The following CRACDL variants were observed in gnomAD, a reference collection of about 807,000 sequenced individuals.
The protein encoded by CRACDL is CRACD like.
CRACDL carries 26 observed loss-of-function variants against 70.6 expected under a neutral mutation model. The observed-to-expected ratio is 0.37, with a 90% CI of 0.27 to 0.51. CRACDL has a LOEUF of 0.51. Among genes scored for constraint, CRACDL ranks in the 20% least tolerant of loss-of-function variants. CRACDL has a pLI of 0.94. For synonymous variants in CRACDL, 618 were observed against 615.2 expected (o/e 1.00, Z -0.07); for missense variants, 1,283 against 1,376.9 (o/e 0.93, Z 1.08).
intron 3 of CRACDL, among the ~76,000 whole-genome samples, chr2:98,837,422 A>C (rs1705843012): frequency 6.6e-6 from 1 of 151,964 alleles, no homozygotes; most frequent in Non-Finnish European, 1.5e-5. Context: ...ATGTTCTCTG[A>C]AGAGTTCTAT....
intron 7 of CRACDL, among the ~76,000 whole-genome samples, chr2:98,818,531 A>C (rs1704886772): frequency 6.6e-6 from 1 of 152,214 alleles, no homozygotes; most frequent in Admixed American, 6.5e-5. Context: ...GGGAGGTGGC[A>C]GACTATCTGG....
In CRACDL at chr2:98,834,871, C is replaced by T. The variant is rs998831854; in HGVS notation, c.240-1874G>A. ...AAGATAGAATACATTCTAGGAACAA[C>T]AACAAGAAAACCAAAGATATCAAAT... On this transcript the variant is annotated intron_variant, in intron 3 of 9. Coordinates refer to ENST00000397899, the MANE Select transcript of CRACDL (RefSeq NM_207362.3). Among the ~76,000 whole-genome samples, 88 of 151,942 alleles carry T rather than the reference C, an allele frequency of 5.8e-4. 2 individuals are homozygous for T. Among genetic ancestry groups the T allele is most frequent in the Non-Finnish European group, 1.8e-4 (12 of 67,972 alleles).
intron 7 of CRACDL, among the ~76,000 whole-genome samples, chr2:98,797,888 C>T (rs1278008095): frequency 7.9e-5 from 12 of 152,054 alleles, no homozygotes; most frequent in Non-Finnish European, 2.9e-5. Context: ...ATGTACTGGT[C>T]CAAATGCTGA....
intron 7 of CRACDL, among the ~76,000 whole-genome samples, chr2:98,815,206 A>G (rs1704732258): frequency 6.6e-6 from 1 of 152,130 alleles, no homozygotes; most frequent in South Asian, 2.1e-4. Context: ...TTTCCTCGAG[A>G]ATTTTTTAGG....
intron 1 of CRACDL, among the ~76,000 whole-genome samples, chr2:98,907,992 G>A (rs1708455865): frequency 6.6e-6 from 1 of 152,188 alleles, no homozygotes; most frequent in Non-Finnish European, 1.5e-5. Context: ...AAGGCATCAG[G>A]AGTAAAACGT....
chr2:98,926,089 T>A (rs1369208444), intron 1 of CRACDL, among the ~76,000 whole-genome samples: 1 of 152,298 alleles, frequency 6.6e-6, no homozygotes, highest in East Asian at 1.9e-4. Flanking sequence ...AAATAATTAT[T>A]ACAATTTACT....
Position 98,821,993 on chromosome 2 carries a change from C to A in CRACDL, c.2280G>T (p.Pro760=). 6.5e-7 allele frequency: 1 copy of A among 1,528,596 alleles called. No homozygotes were observed. The highest frequency in any genetic ancestry group is 8.8e-7 in the Non-Finnish European group (1 of 1,138,174). The allele number at this position is 1,528,596 out of a possible 1,614,324, so 94.7% of individuals were successfully genotyped here. A position where few individuals can be genotyped will look rare whatever the true frequency, so the allele number is the denominator to read the frequency against. Residue 760 remains proline (P), a synonymous_variant, in exon 7 of 10, where the codon CCG becomes CCT. Transcript: ENST00000397899. ...ARPPEPLSSK[P]PLPRKPLLQS... ...GCAGAAGCGGCTTCCGGGGCAGGGGCGGCTTGGAGCTGAGCGGCTCGGGGG... is the reference window on the plus strand; with the variant it reads ...GCAGAAGCGGCTTCCGGGGCAGGGGAGGCTTGGAGCTGAGCGGCTCGGGGG...
At chr2:98,895,163 C>T (rs902619403) in intron 1 of CRACDL, among the ~76,000 whole-genome samples, 11 of 152,130 alleles carry the variant, frequency 7.2e-5, no homozygotes, top group African/African-American at 2.4e-4. Flanking sequence ...CTCATAGATG[C>T]CTCTGTCCAT....
At chr2:98,904,765 A>C (rs1708362644) in intron 1 of CRACDL, among the ~76,000 whole-genome samples, 1 of 152,208 alleles carries the variant, frequency 6.6e-6, no homozygotes, top group Admixed American at 6.5e-5. Flanking sequence ...TCCTTTTTAA[A>C]ACAATCATGG....
intron 1 of CRACDL, among the ~76,000 whole-genome samples, chr2:98,915,680 G>A (rs1430862049): frequency 6.6e-6 from 1 of 152,122 alleles, no homozygotes; most frequent in East Asian, 1.9e-4. Flanking sequence ...TGGGGGTGGG[G>A]GAAATAGCTG....
chr2:98,925,949 G>A (rs147405066), intron 1 of CRACDL, among the ~76,000 whole-genome samples: 5 of 151,448 alleles, frequency 3.3e-5, no homozygotes, highest in African/African-American at 9.7e-5. Flanking sequence ...AGGAGGGAGA[G>A]GTTATGCATT....
rs145571048 is a variant in CRACDL, at chr2:98,874,374, T to C, written c.-10-27564A>G. On this transcript the variant is annotated intron_variant, in intron 1 of 9. Transcript: ENST00000397899. ...CCCCCTGATGGTTTCTCACAGTTCCTTCCAGGTGGACATGGCTCTGTGGGA... is the reference window on the plus strand; with the variant it reads ...CCCCCTGATGGTTTCTCACAGTTCCCTCCAGGTGGACATGGCTCTGTGGGA... Among the ~76,000 whole-genome samples the C allele has an allele frequency of 2.8e-4, 43 of 152,364 alleles. 2 individuals carry two copies. In the East Asian group the frequency reaches 8.3e-3, roughly 29 times the overall value.
intron 2 of CRACDL, 28 bp downstream of exon 2, chr2:98,846,703 C>T (rs768232413): frequency 1.7e-5 from 28 of 1,602,174 alleles, no homozygotes; most frequent in Non-Finnish European, 2.3e-5. Flanking sequence ...CAAGTGCCCT[C>T]CCCAGAGCAG....
intron 3 of CRACDL, among the ~76,000 whole-genome samples, chr2:98,837,350 T>C (rs754955443): frequency 1.3e-5 from 2 of 151,906 alleles, no homozygotes; most frequent in Admixed American, 6.6e-5. Flanking sequence ...GACACCACTA[T>C]TGGGATGCTC....
intron 7 of CRACDL, among the ~76,000 whole-genome samples, chr2:98,803,925 C>A (rs558352750): frequency 3.3e-5 from 5 of 152,156 alleles, no homozygotes; most frequent in Non-Finnish European, 7.3e-5. Flanking sequence ...CAGAGGTGGG[C>A]CCCAGGCCCT....
At chr2:98,810,747 C>A (rs778887344) in intron 7 of CRACDL, among the ~76,000 whole-genome samples, 2 of 152,148 alleles carry the variant, frequency 1.3e-5, no homozygotes, top group African/African-American at 2.4e-5. Flanking sequence ...TGCACATGAT[C>A]TGAGAACCTG....
chr2:98,930,210 T>C (rs1015500758), intron 1 of CRACDL, among the ~76,000 whole-genome samples: 4 of 152,028 alleles, frequency 2.6e-5, no homozygotes, highest in Non-Finnish European at 4.4e-5. Flanking sequence ...CAGGTCCTTC[T>C]CCTCACACAT....
intron 6 of CRACDL, 146 bp downstream of exon 6, chr2:98,826,829 G>A (rs1224879353): frequency 1.4e-5 from 8 of 583,618 alleles, no homozygotes; most frequent in South Asian, 2.2e-5. Flanking sequence ...AGCAACTTCA[G>A]CTCCTGCAGC....
intron 3 of CRACDL, among the ~76,000 whole-genome samples, chr2:98,834,168 T>C (rs914842218): frequency 2.0e-5 from 3 of 152,178 alleles, no homozygotes; most frequent in African/African-American, 7.2e-5. Context: ...CCACACTCTC[T>C]GGGAACCACA....
Sources: allele counts gnomAD v4.1 joint callset (sites outside exome capture counted in the v4.1 genomes callset), GRCh38; gene constraint gnomAD v4.1.1; transcripts MANE v1.5; gene names NCBI Gene and HGNC (gene_info 2026-07-23, HGNC 2026-07-21).